Variants in RGS22 observed in about 807,000 individuals in gnomAD.
RGS22 encodes the protein regulator of G protein signaling 22.
A neutral mutation model predicts 172.9 loss-of-function variants in RGS22; 148 were observed. That is an observed-to-expected ratio of 0.86 (90% CI 0.75 to 0.98). The LOEUF (loss-of-function observed/expected upper bound fraction) is 0.98, where lower values mean the gene tolerates loss of function less well. Among genes scored for constraint, RGS22 ranks in the 50% least tolerant of loss-of-function variants. The probability of loss-of-function intolerance (pLI) is 0.00; values close to 1 mark genes in which losing one functional copy is unlikely to be tolerated. For missense variants in RGS22, 1,347 were observed against 1,440.8 expected (o/e 0.93, Z 1.05); for synonymous variants, 458 against 480.2 (o/e 0.95, Z 0.60).
rs200708091 is a variant in RGS22 at position 100,041,823 on chromosome 8, G to A, written c.1917C>T (p.Tyr639=). The A allele has an allele frequency of 5.0e-5, 81 of 1,607,634 alleles. No homozygotes were observed. Among genetic ancestry groups the A allele is most frequent in the Middle Eastern group, 3.3e-4 (2 of 6,068 alleles). ...TCACCCTAGGTTCTTCTGTATAAGCGTATCTTCTATCCAGCTGGGGCTTGA... is the reference window on the plus strand; with the variant it reads ...TCACCCTAGGTTCTTCTGTATAAGCATATCTTCTATCCAGCTGGGGCTTGA... ...ECLKPQLDRR[Y]AYTEEPRVKT... The change falls in exon 12 of 28, where the codon TAC becomes TAT. Residue 639 remains tyrosine, a synonymous_variant. Transcript: ENST00000360863.
At chr8:100,070,165 G>C (rs569663583) in intron 6 of RGS22, among the ~76,000 whole-genome samples, 3 of 151,890 alleles carry the variant, frequency 2.0e-5, no homozygotes, top group East Asian at 3.9e-4. Flanking sequence ...GTTCTTTTTA[G>C]GTTTCCAGGG....
In RGS22 at chr8:100,038,951, T is replaced by TA. The variant is rs35163122; in HGVS notation, c.2145dup (p.Lys716Ter). ...CGTACTTGCGCTTGCTTGCATACTTTAAAAGGCTGAAGTGTTTCTTGGTAG... is the reference window on the plus strand; with the variant it reads ...CGTACTTGCGCTTGCTTGCATACTTTAAAAAGGCTGAAGTGTTTCTTGGTAG... On this transcript the variant is annotated frameshift_variant, in exon 14 of 28. Coordinates refer to ENST00000360863, the MANE Select transcript of RGS22 (RefSeq NM_015668.5). LOFTEE classifies it high-confidence loss of function. 1.2e-6 allele frequency: 2 copies of TA among 1,611,294 alleles called. No homozygotes were observed. Among genetic ancestry groups the TA allele is most frequent in the Non-Finnish European group, 1.7e-6 (2 of 1,178,182 alleles).
intron 20 of RGS22, among the ~76,000 whole-genome samples, chr8:99,992,306 A>G (rs1269862248): frequency 6.6e-6 from 1 of 152,222 alleles, no homozygotes; most frequent in African/African-American, 2.4e-5. Flanking sequence ...GCCGCAATTA[A>G]AAGACACAAA....
Position 99,962,348 on chromosome 8 carries a change from T to G in RGS22, c.*45+46A>C. ...CGTGCATGTACATGAATGAGTGTAT[T>G]ACGAGGACATGTGTGGGACCAACCA... On this transcript the variant is annotated intron_variant, in intron 27 of 27. Transcript: ENST00000360863. 3 of 1,214,334 alleles carry G rather than the reference T, an allele frequency of 2.5e-6. No homozygotes were observed. The Admixed American group carries it at 5.1e-5, about 21-fold the overall frequency. The allele number at this position is 1,214,334 out of a possible 1,614,324, so 75.2% of individuals were successfully genotyped here. A position where few individuals can be genotyped will look rare whatever the true frequency, so the allele number is the denominator to read the frequency against.
chr8:99,999,335 T>G lies in RGS22; in HGVS notation c.2876A>C (p.Gln959Pro). Residue 959 changes from glutamine to proline, a missense_variant, in exon 19 of 28, where the codon CAA (glutamine) becomes CCA (proline). Coordinates refer to ENST00000360863, the MANE Select transcript of RGS22 (RefSeq NM_015668.5). ...CAGCCATACATTTTCTAGCCTATTT[T>G]GCACATGCTTCTGGATTTCAACTAG... ...PVLVEIQKHV[Q>P]NRLENVWLPL... 2 of 1,614,030 alleles carry G rather than the reference T, an allele frequency of 1.2e-6. No homozygotes were observed. The highest frequency in any genetic ancestry group is 1.7e-6 in the Non-Finnish European group (2 of 1,179,964).
chr8:100,084,342 A>G (rs866989426), intron 3 of RGS22, among the ~76,000 whole-genome samples: 1 of 152,218 alleles, frequency 6.6e-6, no homozygotes, highest in Non-Finnish European at 1.5e-5. Flanking sequence ...GTAGGGAAAA[A>G]GGCAGTGTAT....
chr8:100,063,501 T>C lies in RGS22; in HGVS notation c.1267A>G (p.Lys423Glu). The change falls in exon 8 of 28, where the codon AAA becomes GAA. Residue 423 changes from lysine to glutamate, a missense_variant. Coordinates refer to ENST00000360863, the MANE Select transcript of RGS22 (RefSeq NM_015668.5). ...KEFERFKKFIKGTLGERYWWL... is the reference protein window; with the variant it reads ...KEFERFKKFIEGTLGERYWWL... Reference sequence around the variant, plus strand: ...CAATATCTCTCTCCCAATGTACCTTTTATAAATTTCTTAAATCTTTCAAAC... The same window carrying C: ...CAATATCTCTCTCCCAATGTACCTTCTATAAATTTCTTAAATCTTTCAAAC... The C allele has an allele frequency of 6.2e-7, 1 of 1,613,728 alleles. No homozygotes were observed.
rs988468813 is a variant in RGS22, at chr8:100,063,745, G to A, written c.1023C>T (p.Asp341=). The change falls in exon 8 of 28, where the codon GAC becomes GAT. Residue 341 remains aspartate, a synonymous_variant. Transcript: ENST00000360863. The stretch of plus-strand genomic sequence containing the variant: ...TTGTTATATTGTTGAAGTTTATATA[G>A]TCTGGGGTTTCTCCAACTGGCTTTC... The part of the protein sequence containing the change: ...IVGKPVGETP[D]YINFNNITKV... The A allele has an allele frequency of 7.4e-6, 12 of 1,613,890 alleles. No individual in the cohort carries two copies. The highest frequency in any genetic ancestry group is 1.0e-5 in the Non-Finnish European group (12 of 1,179,966).
At chr8:100,085,013 T>G (rs1812060906) in intron 3 of RGS22, among the ~76,000 whole-genome samples, 1 of 152,160 alleles carries the variant, frequency 6.6e-6, no homozygotes, top group Non-Finnish European at 1.5e-5. Flanking sequence ...TTGGCTAAAC[T>G]AGAAACTACC....
intron 6 of RGS22, among the ~76,000 whole-genome samples, chr8:100,068,300 C>T (rs1479849258): frequency 6.6e-6 from 1 of 152,042 alleles, no homozygotes; most frequent in African/African-American, 2.4e-5. Flanking sequence ...GGGAGAATCG[C>T]TTGAGCCAGG....
chr8:100,047,603 G>C lies in RGS22; in HGVS notation c.1690-7C>G. 1 of 1,603,238 alleles carries C rather than the reference G, an allele frequency of 6.2e-7. No individual in the cohort carries two copies. On this transcript the variant is annotated splice_polypyrimidine_tract_variant and splice_region_variant and intron_variant, in intron 10 of 27. Coordinates refer to ENST00000360863, the MANE Select transcript of RGS22 (RefSeq NM_015668.5). ...ATAAGCTGAATTCTTCTTTCTAAAA[G>C]ATGGTAACATAAGCAAGATGAAAAT...
intron 22 of RGS22, among the ~76,000 whole-genome samples, chr8:99,979,134 T>C (rs1812277760): frequency 6.6e-6 from 1 of 152,214 alleles, no homozygotes; most frequent in African/African-American, 2.4e-5. Context: ...TACATTTACC[T>C]GCCATACATT....
At chr8:99,986,837 A>G (rs1176328683) in intron 21 of RGS22, among the ~76,000 whole-genome samples, 1 of 152,202 alleles carries the variant, frequency 6.6e-6, no homozygotes, top group Non-Finnish European at 1.5e-5. Flanking sequence ...ATTCTTACAA[A>G]GAGATCTTGG....
intron 4 of RGS22, among the ~76,000 whole-genome samples, chr8:100,075,831 C>T (rs1412597340): frequency 6.6e-6 from 1 of 152,148 alleles, no homozygotes; most frequent in Admixed American, 6.5e-5. Flanking sequence ...TACTGTCTTA[C>T]AATTGCAGCA....
chr8:100,052,873 G>C lies in RGS22; in HGVS notation c.1618C>G (p.Pro540Ala). ...AAGAGGGTTGCCATTTGTGGAAAAG[G>C]GTCAATATCCTTCCTTGGTTTTGCT... Reference protein sequence around the residue: ...RQAKPRKDIDPFPQMATLLPL... With the variant: ...RQAKPRKDIDAFPQMATLLPL... The change falls in exon 10 of 28, where the codon CCT (proline) becomes GCT (alanine). Residue 540 changes from proline to alanine, a missense_variant. Physicochemically the swap from Pro to Ala is conservative, Grantham distance 27. Transcript: ENST00000360863. The C allele has an allele frequency of 6.2e-7, 1 of 1,614,034 alleles. No homozygotes were observed. The highest frequency in any genetic ancestry group is 8.5e-7 in the Non-Finnish European group (1 of 1,179,984).
chr8:100,013,188 A>T (rs1054879397), intron 14 of RGS22, among the ~76,000 whole-genome samples: 3 of 151,998 alleles, frequency 2.0e-5, no homozygotes, highest in African/African-American at 7.2e-5. Context: ...ATGGGGTTTC[A>T]CCATGTTAGC....
At chr8:100,028,977 T>G (rs552592388) in intron 14 of RGS22, among the ~76,000 whole-genome samples, 2 of 152,238 alleles carry the variant, frequency 1.3e-5, no homozygotes, top group African/African-American at 4.8e-5. Context: ...TGCTAAGAAA[T>G]TCTCCCCTTT....
intron 9 of RGS22, 129 bp downstream of exon 9, chr8:100,062,462 G>T: frequency 1.6e-6 from 1 of 614,656 alleles, no homozygotes; most frequent in Non-Finnish European, 2.8e-6. Context: ...GTACCTTAAA[G>T]AAGGCCAAAG....
intron 20 of RGS22, among the ~76,000 whole-genome samples, chr8:99,990,819 C>G (rs112480777): frequency 0.01 from 1,587 of 152,286 alleles, 20 homozygotes; most frequent in Middle Eastern, 0.034. Context: ...GGGTCCCTGA[C>G]CCCCATGTAG....
Sources: gnomAD v4.1 joint callset for allele counts (sites outside exome capture counted in the v4.1 genomes callset) on GRCh38, gnomAD v4.1.1 for gene constraint, MANE v1.5 for transcripts, NCBI Gene and HGNC (gene_info 2026-07-23, HGNC 2026-07-21) for gene names.